STAG2: variants seen among roughly 807,000 people sequenced by gnomAD.
The protein encoded by STAG2 is cohesin subunit SA-2.
STAG2 carries 14 observed loss-of-function variants against 108.1 expected under a neutral mutation model. That is an observed-to-expected ratio of 0.13 (90% CI 0.09 to 0.20). STAG2 has a LOEUF of 0.20. STAG2 is among the 10% of genes least tolerant of loss of function. STAG2 has a pLI of 1.00. For synonymous variants in STAG2, 307 were observed against 302.7 expected, an observed-to-expected ratio of 1.01 and a Z score of -0.15; for missense variants, 440 against 940.9, an observed-to-expected ratio of 0.47 and a Z score of 6.96.
intron 4 of STAG2, among the ~76,000 whole-genome samples, chrX:124,029,738 C>G (rs988028153): frequency 8.9e-6 from 1 of 112,277 alleles, no homozygotes; most frequent in African/African-American, 3.2e-5. Flanking sequence ...CTTTCTAGAT[C>G]GTAGAGATGT....
In STAG2 at chrX:124,022,569, C is replaced by CGTAA; in HGVS notation, c.-59_-58insGTAA. On this transcript the variant is annotated 5_prime_UTR_variant, in exon 3 of 35. Transcript: ENST00000371145. ...AGAAAGAAGGCAAGCCACCATTTTACCCACGTAAATATATGAATATATTTC... is the reference window on the plus strand; with the variant it reads ...AGAAAGAAGGCAAGCCACCATTTTACGTAACCACGTAAATATATGAATATATTTC... 12 of 969,612 alleles carry CGTAA rather than the reference C, an allele frequency of 1.2e-5. No homozygotes were observed. The highest frequency in any genetic ancestry group is 1.6e-5 in the Non-Finnish European group (11 of 704,631). 79.9% of individuals were successfully genotyped at this position (969,612 alleles called of 1,213,427 possible). A position where few individuals can be genotyped will look rare whatever the true frequency, so the allele number is the denominator to read the frequency against.
At chrX:124,053,869 TAAAG>T (rs770941467) in intron 13 of STAG2, among the ~76,000 whole-genome samples, 13 of 112,319 alleles carry the variant, frequency 1.2e-4, no homozygotes, top group Non-Finnish European at 1.5e-4. Context: ...GCAAATCAAT[TAAAG>T]AAATCTGTAA....
chrX:124,078,720 G>T (rs2058866118), intron 27 of STAG2, among the ~76,000 whole-genome samples: 1 of 110,780 alleles, frequency 9.0e-6, no homozygotes, highest in Admixed American at 9.6e-5. Flanking sequence ...TGTAATCCCA[G>T]TGCTTTGGGA....
intron 3 of STAG2, 54 bp from the exon 4 acceptor site, chrX:124,025,786 A>G: frequency 1.1e-6 from 1 of 909,904 alleles, no homozygotes; most frequent in Non-Finnish European, 1.5e-6. Flanking sequence ...CAAAAATTAG[A>G]AACTCAATAT....
Position 123,983,974 on chromosome X carries a change from C to CTTTTTTTTTTTTTTTTTTTTTTTTTTTT in STAG2, c.-163+22139_-163+22140insTTTTTTTTTTTTTTTTTTTTTTTTTTTT, listed in dbSNP as rs199881082. On this transcript the variant is annotated intron_variant, in intron 1 of 34. Transcript: ENST00000371145. ...AAAAAGAATAATTTTCTTTTCTTTT[C>CTTTTTTTTTTTTTTTTTTTTTTTTTTTT]TTTTTTTTTTTTTTTTTTTTTGAGA... Among the ~76,000 whole-genome samples, 20 of 61,478 alleles carry CTTTTTTTTTTTTTTTTTTTTTTTTTTTT rather than the reference C, an allele frequency of 3.3e-4. 3 individuals carry two copies. Among genetic ancestry groups the CTTTTTTTTTTTTTTTTTTTTTTTTTTTT allele is most frequent in the African/African-American group, 1.7e-3 (19 of 10,954 alleles). The allele number at this position is 61,478 out of a possible 115,157, so 53.4% of individuals were successfully genotyped here.
At chrX:123,985,267 T>A (rs1240933215) in intron 1 of STAG2, among the ~76,000 whole-genome samples, 1 of 111,385 alleles carries the variant, frequency 9.0e-6, no homozygotes, top group Non-Finnish European at 1.9e-5. Flanking sequence ...TCTCACTTTT[T>A]CACCCAGGCT....
At chrX:124,059,385 T>A (rs2058313930) in intron 15 of STAG2, among the ~76,000 whole-genome samples, 1 of 112,145 alleles carries the variant, frequency 8.9e-6, no homozygotes, top group Non-Finnish European at 1.9e-5. Context: ...TTAATTACAT[T>A]GTTAGCTATA....
chrX:124,009,441 A>G (rs776495226), intron 1 of STAG2, among the ~76,000 whole-genome samples: 72 of 88,416 alleles, frequency 8.1e-4, no homozygotes, highest in African/African-American at 2.4e-3. Flanking sequence ...GTAGGTAGGT[A>G]GGTAGATAGA....
chrX:123,983,977 T>TTC (rs1211565055), intron 1 of STAG2, among the ~76,000 whole-genome samples: 1 of 62,013 alleles, frequency 1.6e-5, no homozygotes, highest in African/African-American at 5.8e-5. Flanking sequence ...TTCTTTTCTT[T>TTC]TTTTTTTTTT....
chrX:123,985,734 C>T (rs2055141761), intron 1 of STAG2, among the ~76,000 whole-genome samples: 1 of 108,191 alleles, frequency 9.2e-6, no homozygotes, highest in African/African-American at 3.4e-5. Context: ...CCGTACCAGG[C>T]TAATTTTTTT....
At chrX:124,005,142 A>G (rs1363345278) in intron 1 of STAG2, among the ~76,000 whole-genome samples, 2 of 111,638 alleles carry the variant, frequency 1.8e-5, no homozygotes, top group Non-Finnish European at 3.8e-5. Flanking sequence ...TATTGATTTT[A>G]TTTGTATTTT....
intron 3 of STAG2, among the ~76,000 whole-genome samples, chrX:124,024,812 G>A: frequency 1.8e-5 from 2 of 111,744 alleles, no homozygotes; most frequent in South Asian, 7.4e-4. Context: ...ATTTTAAGCA[G>A]AGCTGGTGCT....
At chrX:123,981,162 C>T (rs1240117450) in intron 1 of STAG2, among the ~76,000 whole-genome samples, 2 of 110,502 alleles carry the variant, frequency 1.8e-5, no homozygotes, top group Non-Finnish European at 3.8e-5. Context: ...ATAAAATTTG[C>T]CATTGTAACC....
At chrX:123,989,953 A>T (rs2055371819) in intron 1 of STAG2, among the ~76,000 whole-genome samples, 1 of 110,614 alleles carries the variant, frequency 9.0e-6, no homozygotes, top group Admixed American at 9.7e-5. Context: ...TGCATTGAGG[A>T]TGTGATTTAG....
intron 8 of STAG2, among the ~76,000 whole-genome samples, chrX:124,045,885 G>C (rs1220949918): frequency 1.8e-5 from 2 of 110,699 alleles, no homozygotes; most frequent in Non-Finnish European, 3.8e-5. Flanking sequence ...TGCCTCTCCA[G>C]GTAGGATGGC....
intron 15 of STAG2, among the ~76,000 whole-genome samples, chrX:124,059,297 A>G (rs2058309792): frequency 8.9e-6 from 1 of 112,534 alleles, no homozygotes; most frequent in Non-Finnish European, 1.9e-5. Context: ...AGCTTGGGTG[A>G]CAGAGCAAGA....
intron 1 of STAG2, among the ~76,000 whole-genome samples, chrX:123,964,620 G>C (rs933775890): frequency 1.6e-4 from 18 of 110,800 alleles, no homozygotes; most frequent in Admixed American, 5.8e-4. Flanking sequence ...TAGAGAAGTG[G>C]GTTGGAAAAG....
intron 1 of STAG2, among the ~76,000 whole-genome samples, chrX:124,019,218 G>A (rs1008966595): frequency 2.8e-5 from 3 of 108,822 alleles, no homozygotes; most frequent in Non-Finnish European, 5.7e-5. Flanking sequence ...CTGCCACCAC[G>A]CCTGGCTAAT....
intron 7 of STAG2, among the ~76,000 whole-genome samples, chrX:124,044,665 C>T (rs1399270415): frequency 9.0e-6 from 1 of 111,539 alleles, no homozygotes; most frequent in African/African-American, 3.3e-5. Context: ...AGCTACATTT[C>T]CATTTCTTTA....
Sources: allele counts gnomAD v4.1 joint callset (sites outside exome capture counted in the v4.1 genomes callset), GRCh38; gene constraint gnomAD v4.1.1; transcripts MANE v1.5; gene names NCBI Gene and HGNC (gene_info 2026-07-23, HGNC 2026-07-21).